Variants in PSAPL1 observed in about 807,000 individuals in gnomAD.
PSAPL1 encodes the protein prosaposin like 1.
For synonymous variants in PSAPL1, 351 were observed against 291.6 expected, an observed-to-expected ratio of 1.20 and a Z score of -2.08; for missense variants, 814 against 688.8, an observed-to-expected ratio of 1.18 and a Z score of -2.03.
chr4:7,433,836 C>T lies in PSAPL1; in HGVS notation c.1044G>A (p.Val348=). Residue 348 remains valine (V), a synonymous_variant, in exon 1 of 1, where the codon GTG becomes GTA. Transcript: ENST00000319098. ...ILVDTYSPSL[V]QLVAKITPEK... ...CTGGGGTGATTTTGGCCACAAGCTG[C>T]ACCAAGGAGGGGCTGTAGGTGTCCA... is the stretch of plus-strand genomic sequence containing the variant. The T allele has an allele frequency of 1.2e-6, 2 of 1,613,852 alleles. No homozygotes were observed. Among genetic ancestry groups the T allele is most frequent in the Non-Finnish European group, 1.7e-6 (2 of 1,179,886 alleles).
In PSAPL1 at chr4:7,433,154, A is replaced by G; in HGVS notation, c.*160T>C. ...AGCTGTGCGGCACCGTTGTTAAGAG[A>G]GAGGCTTTCGGGATCAGGAATACTT... is the stretch of plus-strand genomic sequence containing the variant. On this transcript the variant is annotated 3_prime_UTR_variant, in exon 1 of 1. Transcript: ENST00000319098. The G allele has an allele frequency of 2.9e-6, 2 of 696,098 alleles. No homozygotes were observed. The highest frequency in any genetic ancestry group is 4.1e-6 in the Non-Finnish European group (2 of 483,480). The allele number at this position is 696,098 out of a possible 1,614,324, so 43.1% of individuals were successfully genotyped here. A position where few individuals can be genotyped will look rare whatever the true frequency, so the allele number is the denominator to read the frequency against.
At position 7,434,172 on chromosome 4, in the gene PSAPL1, G is replaced by T. The variant is rs760489709; in HGVS notation, c.708C>A (p.Asp236Glu). The T allele has an allele frequency of 1.2e-6, 2 of 1,613,920 alleles. No homozygotes were observed. Among genetic ancestry groups the T allele is most frequent in the Non-Finnish European group, 1.7e-6 (2 of 1,179,884 alleles). The change falls in exon 1 of 1, where the codon GAC (aspartate) becomes GAA (glutamate). Residue 236 changes from aspartate to glutamate, a missense_variant. Physicochemically the swap from Asp to Glu is conservative, Grantham distance 45. Transcript: ENST00000319098. ...GCGGGGGGAGAAGCCTCAGTGCTTG[G>T]TCAGCAGGGACAAAAAACTGGAAGA... is the stretch of plus-strand genomic sequence containing the variant. ...NYLFQFFVPA[D>E]QALRLLPPQE...
At chr4:7,434,622 GT>G in the PSAPL1 span, 4 of 1,613,366 alleles carry the variant, frequency 2.5e-6, no homozygotes, top group Non-Finnish European at 3.4e-6. Context: ...AAGCCAGGAT[GT>G]CAGACTCCGT....
Position 7,434,220 on chromosome 4 carries a change from C to T in PSAPL1, c.660G>A (p.Leu220=), listed in dbSNP as rs2109237269. 1 of 1,613,706 alleles carries T rather than the reference C, an allele frequency of 6.2e-7. No homozygotes were observed. Among genetic ancestry groups the T allele is most frequent in the Non-Finnish European group, 8.5e-7 (1 of 1,179,904 alleles). Residue 220 remains leucine, a synonymous_variant, in exon 1 of 1, where the codon CTG becomes CTA. Coordinates refer to ENST00000319098, the MANE Select transcript of PSAPL1 (RefSeq NM_001085382.2). Reference sequence around the variant, plus strand: ...AGAGGTAGTTCTTGCAGAGGACGGCCAGGCCAGGCCCCAAGGACTCACACT... The same window carrying T: ...AGAGGTAGTTCTTGCAGAGGACGGCTAGGCCAGGCCCCAAGGACTCACACT... ...QEQCESLGPG[L]AVLCKNYLFQ... is the part of the protein sequence containing the mutation.
At position 7,433,498 on chromosome 4, in the gene PSAPL1, G is replaced by A; in HGVS notation, c.1382C>T (p.Ala461Val). The A allele has an allele frequency of 6.3e-7, 1 of 1,599,492 alleles. No individual in the cohort carries two copies. The highest frequency in any genetic ancestry group is 8.5e-7 in the Non-Finnish European group (1 of 1,173,860). Residue 461 changes from alanine (A) to valine (V), a missense_variant, in exon 1 of 1, where the codon GCT becomes GTT. Transcript: ENST00000319098. ...GCAGGCCCCCACCTTCTTGCACACA[G>A]CCACGGGGTCCATCATGTCCTTGAG... ...ESLKDMMDPV[A>V]VCKKVGACHG...
In PSAPL1 at chr4:7,434,923, G is replaced by A. The variant is rs1205456680; in HGVS notation, c.-44C>T. 6.7e-7 allele frequency: 1 copy of A among 1,486,194 alleles called. No individual in the cohort carries two copies. The highest frequency in any genetic ancestry group is 1.4e-5 in the South Asian group (1 of 72,758). The allele number at this position is 1,486,194 out of a possible 1,614,324, so 92.1% of individuals were successfully genotyped here. A position where few individuals can be genotyped will look rare whatever the true frequency, so the allele number is the denominator to read the frequency against. On this transcript the variant is annotated 5_prime_UTR_variant, in exon 1 of 1. Transcript: ENST00000319098. ...GGCTCCAGAGTACCCAGCAGTGGCTGCTGCTATAAACCTGGCTCTCCTGCC... is the reference window on the plus strand; with the variant it reads ...GGCTCCAGAGTACCCAGCAGTGGCTACTGCTATAAACCTGGCTCTCCTGCC...
chr4:7,434,095 C>T lies in PSAPL1; in HGVS notation c.785G>A (p.Arg262His), dbSNP rs750576953. The T allele has an allele frequency of 2.0e-5, 33 of 1,611,306 alleles. 1 individual carries two copies. Among genetic ancestry groups the T allele is most frequent in the South Asian group, 1.2e-4 (11 of 90,824 alleles). Residue 262 changes from arginine (R) to histidine (H), a missense_variant, in exon 1 of 1, where the codon CGT (arginine) becomes CAT (histidine). Transcript: ENST00000319098. ...GTCCATGGCCACTACTTGAGTCAAACGGGCAGGTGCCCCTAGCTCCTCACA... is the reference window on the plus strand; with the variant it reads ...GTCCATGGCCACTACTTGAGTCAAATGGGCAGGTGCCCCTAGCTCCTCACA... ...GFCEELGAPA[R>H]LTQVVAMDGV...
rs1363851352 is a variant in PSAPL1, at chr4:7,433,077, G to A, written c.*237C>T. 1.1e-5 allele frequency: 4 copies of A among 369,094 alleles called. No individual in the cohort carries two copies. The highest frequency in any genetic ancestry group is 1.9e-5 in the Non-Finnish European group (4 of 211,164). The allele number at this position is 369,094 out of a possible 1,614,324, so 22.9% of individuals were successfully genotyped here. On this transcript the variant is annotated 3_prime_UTR_variant, in exon 1 of 1. Coordinates refer to ENST00000319098, the MANE Select transcript of PSAPL1 (RefSeq NM_001085382.2). ...AGAGGGCAGCCTTGGCTGGGTCAGGGAGCGGGGCACATGAGTGTGTTCCGG... is the reference window on the plus strand; with the variant it reads ...AGAGGGCAGCCTTGGCTGGGTCAGGAAGCGGGGCACATGAGTGTGTTCCGG...
rs2109231803 is a variant in PSAPL1, at chr4:7,433,073, C to T, written c.*241G>A. The T allele has an allele frequency of 5.5e-6, 2 of 360,962 alleles. No homozygotes were observed. The highest frequency in any genetic ancestry group is 2.9e-4 in the South Asian group (2 of 6,886). The allele number at this position is 360,962 out of a possible 1,614,324, so 22.4% of individuals were successfully genotyped here. A position where few individuals can be genotyped will look rare whatever the true frequency, so the allele number is the denominator to read the frequency against. On this transcript the variant is annotated 3_prime_UTR_variant, in exon 1 of 1. Coordinates refer to ENST00000319098, the MANE Select transcript of PSAPL1 (RefSeq NM_001085382.2). The stretch of plus-strand genomic sequence containing the variant: ...GATGAGAGGGCAGCCTTGGCTGGGT[C>T]AGGGAGCGGGGCACATGAGTGTGTT...
At position 7,433,044 on chromosome 4, in the gene PSAPL1, T is replaced by C. The variant is rs781353813; in HGVS notation, c.*270A>G. On this transcript the variant is annotated 3_prime_UTR_variant, in exon 1 of 1. Transcript: ENST00000319098. ...GGGACCACCGGCAACATCTCAGCCT[T>C]GGAGATGAGAGGGCAGCCTTGGCTG... The C allele has an allele frequency of 6.4e-5, 19 of 299,026 alleles. No individual in the cohort carries two copies. Among genetic ancestry groups the C allele is most frequent in the Admixed American group, 3.1e-4 (6 of 19,380 alleles). The allele number at this position is 299,026 out of a possible 1,614,324, so 18.5% of individuals were successfully genotyped here. A position where few individuals can be genotyped will look rare whatever the true frequency, so the allele number is the denominator to read the frequency against.
In PSAPL1 at chr4:7,431,733, C is replaced by T. The variant is rs1342409084; in HGVS notation, c.*1581G>A. On this transcript the variant is annotated 3_prime_UTR_variant, in exon 1 of 1. Coordinates refer to ENST00000319098, the MANE Select transcript of PSAPL1 (RefSeq NM_001085382.2). ...GGACTGCCCAGCGGGCCCAGGCCTG[C>T]CCAGCCAATAGGGGCCACTTCTGAG... 1.3e-5 allele frequency: 2 copies of T among 152,212 alleles called. No individual in the cohort carries two copies. The highest frequency in any genetic ancestry group is 4.8e-5 in the African/African-American group (2 of 41,456). The allele number at this position is 152,212 out of a possible 1,614,324, so 9.4% of individuals were successfully genotyped here.
chr4:7,433,562 G>T lies in PSAPL1; in HGVS notation c.1318C>A (p.His440Asn). ...ACGGGCTCGTACTGGGTGACGAAGT[G>T]CTTGCACTGGATCATATAGGGCAGC... is the stretch of plus-strand genomic sequence containing the variant. ...LPLPYMIQCK[H>N]FVTQYEPVLI... The change falls in exon 1 of 1, where the codon CAC (histidine) becomes AAC (asparagine). Residue 440 changes from histidine (H) to asparagine (N), a missense_variant. By Grantham distance (68) the His-to-Asn change is moderately conservative. Coordinates refer to ENST00000319098, the MANE Select transcript of PSAPL1 (RefSeq NM_001085382.2). The T allele has an allele frequency of 2.5e-6, 4 of 1,611,506 alleles. No individual in the cohort carries two copies. Among genetic ancestry groups the T allele is most frequent in the Non-Finnish European group, 3.4e-6 (4 of 1,179,142 alleles).
In PSAPL1 at chr4:7,434,289, A is replaced by G; in HGVS notation, c.591T>C (p.Ala197=). ...CVRQVSRLQE[A]VRSNLTLADL... is the part of the protein sequence containing the mutation. ...CGGCCAAGGTCAAGTTGGACCGGAC[A>G]GCCTCCTGGAGTCGGGAGACCTGCC... Residue 197 remains alanine, a synonymous_variant, in exon 1 of 1, where the codon GCT becomes GCC. Transcript: ENST00000319098. 1 of 1,612,766 alleles carries G rather than the reference A, an allele frequency of 6.2e-7. No individual in the cohort carries two copies. The highest frequency in any genetic ancestry group is 8.5e-7 in the Non-Finnish European group (1 of 1,179,696).
Position 7,433,575 on chromosome 4 carries a change from C to T in PSAPL1, c.1305G>A (p.Met435Ile), listed in dbSNP as rs1448786412. ...GGGTGACGAAGTGCTTGCACTGGATCATATAGGGCAGCGGCAGGATGCTGC... is the reference window on the plus strand; with the variant it reads ...GGGTGACGAAGTGCTTGCACTGGATTATATAGGGCAGCGGCAGGATGCTGC... Reference protein sequence around the residue: ...GGCSILPLPYMIQCKHFVTQY... With the variant: ...GGCSILPLPYIIQCKHFVTQY... The change falls in exon 1 of 1, where the codon ATG becomes ATA. Residue 435 changes from methionine to isoleucine, a missense_variant. Physicochemically the swap from Met to Ile is conservative, Grantham distance 10. Coordinates refer to ENST00000319098, the MANE Select transcript of PSAPL1 (RefSeq NM_001085382.2). 4 of 1,611,634 alleles carry T rather than the reference C, an allele frequency of 2.5e-6. No individual in the cohort carries two copies. The highest frequency in any genetic ancestry group is 2.5e-6 in the Non-Finnish European group (3 of 1,179,130).
In PSAPL1 at chr4:7,433,240, T is replaced by C; in HGVS notation, c.*74A>G. 2 of 1,309,692 alleles carry C rather than the reference T, an allele frequency of 1.5e-6. No individual in the cohort carries two copies. 81.1% of individuals were successfully genotyped at this position (1,309,692 alleles called of 1,614,324 possible). On this transcript the variant is annotated 3_prime_UTR_variant, in exon 1 of 1. Coordinates refer to ENST00000319098, the MANE Select transcript of PSAPL1 (RefSeq NM_001085382.2). ...CCTCCTCAGAGCTTCAGTTTTTCAT[T>C]TGTGAAATGGGGATGGGGAAAGCAC...
chr4:7,433,721 A>C lies in PSAPL1; in HGVS notation c.1159T>G (p.Trp387Gly). Residue 387 changes from tryptophan to glycine, a missense_variant, in exon 1 of 1, where the codon TGG (tryptophan) becomes GGG (glycine). Physicochemically the swap from Trp to Gly is radical, Grantham distance 184. Transcript: ENST00000319098. ...DAYAIVPSPE[W>G]DAENQGSFCN... is the part of the protein sequence containing the mutation. ...AAGCTGCCCTGGTTCTCCGCGTCCC[A>C]CTCTGGGGACGGCACGATGGCATAG... 1 of 1,612,888 alleles carries C rather than the reference A, an allele frequency of 6.2e-7. No individual in the cohort carries two copies. The highest frequency in any genetic ancestry group is 2.2e-5 in the East Asian group (1 of 44,852).
Position 7,431,684 on chromosome 4 carries a change from C to T in PSAPL1, c.*1630G>A, listed in dbSNP as rs1726872628. On this transcript the variant is annotated 3_prime_UTR_variant, in exon 1 of 1. Transcript: ENST00000319098. ...TCCGGTGGCCAGGCACGACCACCAC[C>T]CCTTGCTGGCCTTATCTTTTGTGGG... 1 of 152,356 alleles carries T rather than the reference C, an allele frequency of 6.6e-6. No homozygotes were observed. The highest frequency in any genetic ancestry group is 1.9e-4 in the East Asian group (1 of 5,174). 9.4% of individuals were successfully genotyped at this position (152,356 alleles called of 1,614,324 possible).
At position 7,433,875 on chromosome 4, in the gene PSAPL1, C is replaced by G; in HGVS notation, c.1005G>C (p.Glu335Asp). The change falls in exon 1 of 1, where the codon GAG (glutamate) becomes GAC (aspartate). Residue 335 changes from glutamate (E) to aspartate (D), a missense_variant. Transcript: ENST00000319098. ...TGTAGGTGTCCACCAAGATGATGCA[C>G]TCCTTCGTGATAGAGGCAGGCATTA... ...CSVMPASITK[E>D]CIILVDTYSP... The G allele has an allele frequency of 6.2e-7, 1 of 1,613,940 alleles. No individual in the cohort carries two copies. Among genetic ancestry groups the G allele is most frequent in the Non-Finnish European group, 8.5e-7 (1 of 1,179,904 alleles).
In PSAPL1 at chr4:7,434,338, C is replaced by G. The variant is rs1319787225; in HGVS notation, c.542G>C (p.Gly181Ala). ...CCGTACACAGTCTTGGCACAGAGCT[C>G]CTTCAGGCGCCTGGCGGGGGTGGAA... ...LTFHPRQAPE[G>A]ALCQDCVRQV... Residue 181 changes from glycine to alanine, a missense_variant, in exon 1 of 1, where the codon GGA (glycine) becomes GCA (alanine). Coordinates refer to ENST00000319098, the MANE Select transcript of PSAPL1 (RefSeq NM_001085382.2). 6.2e-7 allele frequency: 1 copy of G among 1,609,750 alleles called. No individual in the cohort carries two copies. Among genetic ancestry groups the G allele is most frequent in the Non-Finnish European group, 8.5e-7 (1 of 1,178,448 alleles).
Sources: gnomAD v4.1 joint callset for allele counts on GRCh38, gnomAD v4.1.1 for gene constraint, MANE v1.5 for transcripts, NCBI Gene and HGNC (gene_info 2026-07-23, HGNC 2026-07-21) for gene names.